The following IQGAP1 variants were observed in gnomAD, a reference collection of about 807,000 sequenced individuals.
IQGAP1 encodes the protein ras GTPase-activating-like protein IQGAP1.
In IQGAP1, 66 loss-of-function variants were observed where a neutral mutation model predicts 215.6. That is an observed-to-expected ratio of 0.31 (90% CI 0.25 to 0.38). The LOEUF (loss-of-function observed/expected upper bound fraction) is 0.38. Among genes scored for constraint, IQGAP1 ranks in the 10% least tolerant of loss-of-function variants. IQGAP1 has a pLI of 1.00. For synonymous variants in IQGAP1, 772 were observed against 728.7 expected, an observed-to-expected ratio of 1.06 and a Z score of -0.96; for missense variants, 1,712 against 1,997.1, an observed-to-expected ratio of 0.86 and a Z score of 2.72.
At chr15:90,435,195 G>C (rs1965354343) in intron 5 of IQGAP1, among the ~76,000 whole-genome samples, 2 of 152,172 alleles carry the variant, frequency 1.3e-5, no homozygotes, top group Non-Finnish European at 2.9e-5. Flanking sequence ...GTCTGAGGCT[G>C]GGTAGGTACA....
intron 18 of IQGAP1, among the ~76,000 whole-genome samples, chr15:90,469,243 A>G (rs1357012000): frequency 6.6e-6 from 1 of 152,200 alleles, no homozygotes; most frequent in Non-Finnish European, 1.5e-5. Context: ...CATATTACTA[A>G]CAGACATTCA....
At chr15:90,405,437 A>T (rs1460867501) in intron 2 of IQGAP1, among the ~76,000 whole-genome samples, 1 of 152,234 alleles carries the variant, frequency 6.6e-6, no homozygotes, top group African/African-American at 2.4e-5. Flanking sequence ...CTGTGAAGAG[A>T]TTACTAGACT....
At chr15:90,441,798 C>T in intron 8 of IQGAP1, 114 bp downstream of exon 8, 2 of 743,556 alleles carry the variant, frequency 2.7e-6, no homozygotes, top group Non-Finnish European at 4.3e-6. Flanking sequence ...ACAAAATTCA[C>T]CGGATTTTAA....
intron 8 of IQGAP1, 83 bp from the exon 9 acceptor site, chr15:90,443,311 G>T: frequency 1.3e-6 from 1 of 783,254 alleles, no homozygotes. Context: ...GTAGTGTTAT[G>T]GTGCAGGAGG....
chr15:90,490,819 G>C (rs1001265235), intron 33 of IQGAP1, among the ~76,000 whole-genome samples: 2 of 152,028 alleles, frequency 1.3e-5, no homozygotes, highest in Non-Finnish European at 1.5e-5. Flanking sequence ...CTTGTTTTTT[G>C]TTTTTTTGAG....
Position 90,491,514 on chromosome 15 carries a change from A to C in IQGAP1, c.4430A>C (p.Lys1477Thr). 6.2e-7 allele frequency: 1 copy of C among 1,614,176 alleles called. No individual in the cohort carries two copies. The highest frequency in any genetic ancestry group is 2.2e-5 in the East Asian group (1 of 44,888). Residue 1477 changes from lysine (K) to threonine (T), a missense_variant, in exon 34 of 38, where the codon AAA (lysine) becomes ACA (threonine). Physicochemically the swap from Lys to Thr is moderately conservative, Grantham distance 78. Transcript: ENST00000268182. ...CTTGGAACCGTGGACCCAAAGAACAAATACCAGGAACTGATCAACGACATT... is the reference window on the plus strand; with the variant it reads ...CTTGGAACCGTGGACCCAAAGAACACATACCAGGAACTGATCAACGACATT... The part of the protein sequence containing the change: ...TELGTVDPKN[K>T]YQELINDIAR...
intron 9 of IQGAP1, among the ~76,000 whole-genome samples, chr15:90,446,326 A>G (rs1297717056): frequency 1.3e-5 from 2 of 152,212 alleles, no homozygotes; most frequent in Admixed American, 1.3e-4. Flanking sequence ...TATTATTATT[A>G]TGTAGTCAGA....
intron 30 of IQGAP1, among the ~76,000 whole-genome samples, chr15:90,484,758 C>T (rs2151036420): frequency 6.6e-6 from 1 of 152,220 alleles, no homozygotes; most frequent in African/African-American, 2.4e-5. Flanking sequence ...ATCTGCCCAC[C>T]TCGGCCCCCA....
intron 18 of IQGAP1, among the ~76,000 whole-genome samples, chr15:90,468,642 G>A (rs543129039): frequency 6.6e-6 from 1 of 152,202 alleles, no homozygotes; most frequent in South Asian, 2.1e-4. Context: ...ACAAGCCTGG[G>A]CAACATGGTG....
At position 90,467,516 on chromosome 15, in the gene IQGAP1, A is replaced by C; in HGVS notation, c.2102A>C (p.Glu701Ala). ...KGGYYYYHNLETQEGGWDEPP... is the reference protein window; with the variant it reads ...KGGYYYYHNLATQEGGWDEPP... Reference sequence around the variant, plus strand: ...GGATATTATTATTACCACAATCTGGAGACCCAGGAAGGAGGATGGGATGAA... The same window carrying C: ...GGATATTATTATTACCACAATCTGGCGACCCAGGAAGGAGGATGGGATGAA... Residue 701 changes from glutamate (E) to alanine (A), a missense_variant, in exon 18 of 38, where the codon GAG (glutamate) becomes GCG (alanine). Physicochemically the swap from Glu to Ala is moderately radical, Grantham distance 107 (BLOSUM62 -1). This residue lies in a region of IQGAP1 where 1,021 missense variants were observed against 1,074.2 expected (regional missense o/e 0.95). Coordinates refer to ENST00000268182, the MANE Select transcript of IQGAP1 (RefSeq NM_003870.4). The C allele has an allele frequency of 6.2e-7, 1 of 1,613,234 alleles. No individual in the cohort carries two copies.
intron 5 of IQGAP1, 31 bp from the exon 6 acceptor site, chr15:90,439,301 G>A: frequency 2.5e-6 from 4 of 1,588,110 alleles, no homozygotes; most frequent in Non-Finnish European, 3.5e-6. Flanking sequence ...ACAGCTGGGA[G>A]GCCTAACCTT....
intron 15 of IQGAP1, among the ~76,000 whole-genome samples, chr15:90,457,623 G>A (rs1314164803): frequency 1.1e-5 from 1 of 90,146 alleles, no homozygotes; most frequent in African/African-American, 4.6e-5. Flanking sequence ...TGTATTTTTT[G>A]TAGAGATGGG....
chr15:90,426,116 G>A lies in IQGAP1; in HGVS notation c.162G>A (p.Met54Ile). ...LCHLEEAKRW[M>I]EACLGEDLPP... ...CCTCTCTCCTTTGGTGCAGGTGGAT[G>A]GAAGCATGCCTAGGGGAAGATCTGC... The change falls in exon 3 of 38, where the codon ATG becomes ATA. Residue 54 changes from methionine to isoleucine, a missense_variant. Met to Ile is a conservative substitution (Grantham distance 10, BLOSUM62 1). Transcript: ENST00000268182. 6.2e-7 allele frequency: 1 copy of A among 1,605,210 alleles called. No homozygotes were observed. Among genetic ancestry groups the A allele is most frequent in the Non-Finnish European group, 8.5e-7 (1 of 1,176,446 alleles).
chr15:90,457,366 A>G (rs992457389), intron 15 of IQGAP1, among the ~76,000 whole-genome samples: 4 of 151,612 alleles, frequency 2.6e-5, no homozygotes, highest in African/African-American at 9.7e-5. Context: ...TTGTGTGGTT[A>G]TATGTTATTG....
At chr15:90,468,758 G>A (rs1965866270) in intron 18 of IQGAP1, among the ~76,000 whole-genome samples, 1 of 152,104 alleles carries the variant, frequency 6.6e-6, no homozygotes, top group Non-Finnish European at 1.5e-5. Context: ...TTGAGCCCGG[G>A]AGGTCAAGGC....
chr15:90,486,364 C>A, intron 31 of IQGAP1: 1 of 346,342 alleles, frequency 2.9e-6, no homozygotes. Context: ...ATTTTAAACG[C>A]AGATACATAC....
At chr15:90,428,160 C>T (rs947735187) in intron 3 of IQGAP1, among the ~76,000 whole-genome samples, 1 of 152,050 alleles carries the variant, frequency 6.6e-6, no homozygotes, top group African/African-American at 2.4e-5. Context: ...CAGCCCTGAC[C>T]TCCCTAGGCT....
chr15:90,446,824 A>G (rs1409215182), intron 9 of IQGAP1, among the ~76,000 whole-genome samples: 1 of 152,244 alleles, frequency 6.6e-6, no homozygotes, highest in Admixed American at 6.5e-5. Flanking sequence ...AAGGAAAATT[A>G]GAGTTATATA....
chr15:90,429,727 C>G, intron 4 of IQGAP1, 61 bp downstream of exon 4: 1 of 1,038,428 alleles, frequency 9.6e-7, no homozygotes, highest in Non-Finnish European at 1.4e-6. Context: ...AACCCTCAAA[C>G]AACCTGTTCT....
Sources: gnomAD v4.1 joint callset for allele counts (sites outside exome capture counted in the v4.1 genomes callset) on GRCh38, gnomAD v4.1.1 for gene constraint, gnomAD v4.1.1 regional missense constraint, MANE v1.5 for transcripts, NCBI Gene and HGNC (gene_info 2026-07-23, HGNC 2026-07-21) for gene names.